ANPEP: variants seen among roughly 807,000 people sequenced by gnomAD.
The protein encoded by ANPEP is alanyl aminopeptidase, membrane.
A neutral mutation model predicts 114.6 loss-of-function variants in ANPEP; 70 were observed. The observed-to-expected ratio is 0.61, with a 90% CI of 0.50 to 0.75. The LOEUF (loss-of-function observed/expected upper bound fraction) is 0.75. Among genes scored for constraint, ANPEP ranks in the 30% least tolerant of loss-of-function variants. The pLI is 0.00. For synonymous variants in ANPEP, 548 were observed against 522.3 expected, an observed-to-expected ratio of 1.05 and a Z score of -0.67; for missense variants, 1,184 against 1,259.5, an observed-to-expected ratio of 0.94 and a Z score of 0.91.
At chr15:89,786,149 T>C (rs1968502629) in intron 20 of ANPEP, among the ~76,000 whole-genome samples, 1 of 152,176 alleles carries the variant, frequency 6.6e-6, no homozygotes, top group Non-Finnish European at 1.5e-5. Context: ...AGAAAACAAT[T>C]CCATTTACGA....
At chr15:89,787,159 C>T (rs1968522754) in intron 20 of ANPEP, among the ~76,000 whole-genome samples, 1 of 150,872 alleles carries the variant, frequency 6.6e-6, no homozygotes, top group East Asian at 2.0e-4. Flanking sequence ...AATTCTCCTG[C>T]CTCAGCCTCC....
intron 15 of ANPEP, among the ~76,000 whole-genome samples, chr15:89,795,968 A>G (rs148581998): frequency 6.1e-4 from 93 of 152,282 alleles, no homozygotes; most frequent in African/African-American, 2.2e-3. Flanking sequence ...TAATCATAAC[A>G]CTTTGGGAGG....
intron 1 of ANPEP, among the ~76,000 whole-genome samples, chr15:89,810,711 C>T (rs1453890407): frequency 1.3e-5 from 2 of 152,258 alleles, no homozygotes; most frequent in African/African-American, 4.8e-5. Flanking sequence ...GAGCCCAATA[C>T]ATGTTGGCCA....
intron 19 of ANPEP, 55 bp downstream of exon 19, chr15:89,790,898 C>A: frequency 1.3e-6 from 2 of 1,595,652 alleles, no homozygotes; most frequent in Admixed American, 1.7e-5. Flanking sequence ...CAGGCCACCC[C>A]CCGGGGCCCC....
chr15:89,803,922 C>G lies in ANPEP; in HGVS notation c.1260G>C (p.Leu420=). 6.2e-7 allele frequency: 1 copy of G among 1,614,186 alleles called. No homozygotes were observed. Among genetic ancestry groups the G allele is most frequent in the South Asian group, 1.1e-5 (1 of 91,090 alleles). ...NEGFASYVEY[L]GADYAEPTWN... is the part of the protein sequence containing the mutation. ...AGGTGGGCTCCGCATAGTCAGCACCCAGGTACTCCACGTAGGAGGCGAAGC... is the reference window on the plus strand; with the variant it reads ...AGGTGGGCTCCGCATAGTCAGCACCGAGGTACTCCACGTAGGAGGCGAAGC... The change falls in exon 7 of 21, where the codon CTG becomes CTC. Residue 420 remains leucine (L), a synonymous_variant. Coordinates refer to ENST00000300060, the MANE Select transcript of ANPEP (RefSeq NM_001150.3). This position sits in a 1 kb window ranked among gnomAD's most constrained non-coding sequence, Gnocchi z 4.2.
Position 89,803,685 on chromosome 15 carries a change from G to A in ANPEP, c.1399C>T (p.Gln467Ter). Residue 467 changes from glutamine to a stop codon, truncating the protein, a stop_gained, in exon 8 of 21, where the codon CAG (glutamine) becomes TAG (stop). Coordinates refer to ENST00000300060, the MANE Select transcript of ANPEP (RefSeq NM_001150.3). LOFTEE classifies it high-confidence loss of function. This position sits in a 1 kb window ranked among gnomAD's most constrained non-coding sequence, Gnocchi z 4.2. ...ATGGCGTCAAACAGCTCACTGATCT[G>A]GGCCGGCGTGTTGATCTCCGAGGCG... ...TPASEINTPAQISELFDAISY... is the reference protein window; with the variant it reads ...TPASEINTPA The A allele has an allele frequency of 6.2e-7, 1 of 1,613,290 alleles. No individual in the cohort carries two copies. Among genetic ancestry groups the A allele is most frequent in the Non-Finnish European group, 8.5e-7 (1 of 1,179,694 alleles).
intron 20 of ANPEP, among the ~76,000 whole-genome samples, chr15:89,786,401 T>TTTTTC (rs1166862222): frequency 6.6e-6 from 1 of 151,232 alleles, no homozygotes; most frequent in African/African-American, 2.4e-5. Context: ...TTTTTTTTTT[T>TTTTTC]TTTGCGGAAA....
At chr15:89,788,663 C>A (rs1297129314) in intron 20 of ANPEP, among the ~76,000 whole-genome samples, 4 of 152,086 alleles carry the variant, frequency 2.6e-5, no homozygotes, top group Non-Finnish European at 5.9e-5. Context: ...TGCGGTGGCA[C>A]CACCTCCGCT....
chr15:89,794,560 C>T (rs904794566), intron 15 of ANPEP, among the ~76,000 whole-genome samples: 8 of 151,994 alleles, frequency 5.3e-5, no homozygotes, highest in African/African-American at 1.9e-4. Context: ...GAGGTAAGGA[C>T]TGCAAACAGG....
rs545081233 is a variant in ANPEP at position 89,803,709 on chromosome 15, C to A, written c.1375G>T (p.Ala459Ser). The A allele has an allele frequency of 6.2e-7, 1 of 1,612,816 alleles. No homozygotes were observed. The highest frequency in any genetic ancestry group is 1.1e-5 in the South Asian group (1 of 90,978). ...LASSHPLSTP[A>S]SEINTPAQIS... The stretch of plus-strand genomic sequence containing the variant: ...TGGGCCGGCGTGTTGATCTCCGAGG[C>A]GGGTGTGGACAGCGGGTGGGAGGAG... The change falls in exon 8 of 21, where the codon GCC becomes TCC. Residue 459 changes from alanine (A) to serine (S), a missense_variant. By Grantham distance (99) the Ala-to-Ser change is moderately conservative. Transcript: ENST00000300060. The surrounding 1 kb of genome is among the most constrained non-coding windows in gnomAD (Gnocchi z 4.2).
chr15:89,797,298 T>A (rs1220489892), intron 15 of ANPEP: 4 of 337,504 alleles, frequency 1.2e-5, no homozygotes, highest in African/African-American at 2.1e-5. Context: ...GTTGCTGAAG[T>A]CTCCGCGACC....
At chr15:89,787,927 T>C (rs1968536834) in intron 20 of ANPEP, among the ~76,000 whole-genome samples, 3 of 152,176 alleles carry the variant, frequency 2.0e-5, no homozygotes, top group Non-Finnish European at 4.4e-5. Context: ...CTGAAAACCA[T>C]AATGATACCA....
Position 89,787,324 on chromosome 15 carries a change from C to T in ANPEP, c.2752-1823G>A, listed in dbSNP as rs182453595. 5.3e-3 allele frequency among the ~76,000 whole-genome samples: 808 copies of T among 152,206 alleles called. 10 individuals are homozygous for T. Among genetic ancestry groups the T allele is most frequent in the Admixed American group, 8.9e-3 (136 of 15,292 alleles). On this transcript the variant is annotated intron_variant, in intron 20 of 20. Coordinates refer to ENST00000300060, the MANE Select transcript of ANPEP (RefSeq NM_001150.3). The stretch of plus-strand genomic sequence containing the variant: ...CCTCCCAAAGTGCTGGGATTACAGG[C>T]GTGAGCCGCCATGCCTGGCCAATAA...
In ANPEP at chr15:89,801,112, T is replaced by C; in HGVS notation, c.1818A>G (p.Arg606=). 3.7e-6 allele frequency: 6 copies of C among 1,614,042 alleles called. No individual in the cohort carries two copies. Among genetic ancestry groups the C allele is most frequent in the Non-Finnish European group, 5.1e-6 (6 of 1,179,940 alleles). ...QQQDYWLIDV[R]AQNDLFSTSG... is the part of the protein sequence containing the mutation. ...GCCCATAAGGCAGGGCTGGATTACC[T>C]CTTACATCTATCAGCCAGTAGTCCT... The change falls in exon 12 of 21, where the codon AGA becomes AGG. Residue 606 remains arginine (R), a splice_region_variant and synonymous_variant. Transcript: ENST00000300060.
intron 14 of ANPEP, among the ~76,000 whole-genome samples, chr15:89,798,247 A>G (rs1453650286): frequency 6.6e-6 from 1 of 152,230 alleles, no homozygotes; most frequent in Non-Finnish European, 1.5e-5. Flanking sequence ...TAGGTGCTCA[A>G]TAAGTACCTG....
chr15:89,799,687 A>T lies in ANPEP; in HGVS notation c.1820-128T>A. ...CCCTCAAGCTGCTGGGGAGACGCTAAGGGTGGGGAAGGAAGGGATGAGGAA... is the reference window on the plus strand; with the variant it reads ...CCCTCAAGCTGCTGGGGAGACGCTATGGGTGGGGAAGGAAGGGATGAGGAA... On this transcript the variant is annotated intron_variant, in intron 12 of 20. Coordinates refer to ENST00000300060, the MANE Select transcript of ANPEP (RefSeq NM_001150.3). The surrounding 1 kb of genome is among the most constrained non-coding windows in gnomAD (Gnocchi z 4.2). 7.3e-7 allele frequency: 1 copy of T among 1,360,760 alleles called. No individual in the cohort carries two copies. Among genetic ancestry groups the T allele is most frequent in the Admixed American group, 2.0e-5 (1 of 50,336 alleles). 84.3% of individuals were successfully genotyped at this position (1,360,760 alleles called of 1,614,324 possible).
intron 15 of ANPEP, among the ~76,000 whole-genome samples, chr15:89,794,475 T>G (rs1490659936): frequency 6.6e-6 from 1 of 151,764 alleles, no homozygotes; most frequent in Non-Finnish European, 1.5e-5. Flanking sequence ...CAGAGTGGGA[T>G]TCTGTCTCAA....
In ANPEP at chr15:89,806,494, T is replaced by C. The variant is rs1309227649; in HGVS notation, c.90A>G (p.Ser30=). 6.2e-7 allele frequency: 1 copy of C among 1,613,992 alleles called. No individual in the cohort carries two copies. The highest frequency in any genetic ancestry group is 8.5e-7 in the Non-Finnish European group (1 of 1,179,922). The change falls in exon 2 of 21, where the codon TCA becomes TCG. Residue 30 remains serine, a synonymous_variant. Transcript: ENST00000300060. This position sits in a 1 kb window ranked among gnomAD's most constrained non-coding sequence, Gnocchi z 5.7. Reference sequence around the variant, plus strand: ...TGTTCTTCTCCTGGGAGTACACCACTGACAGTGCGATGATTGTGCACACGG... The same window carrying C: ...TGTTCTTCTCCTGGGAGTACACCACCGACAGTGCGATGATTGTGCACACGG... ...VAAVCTIIAL[S]VVYSQEKNKN... is the part of the protein sequence containing the mutation.
rs1968485988 is a variant in ANPEP at position 89,785,311 on chromosome 15, A to G, written c.*38T>C. The G allele has an allele frequency of 1.9e-6, 3 of 1,612,374 alleles. No homozygotes were observed. The highest frequency in any genetic ancestry group is 2.5e-6 in the Non-Finnish European group (3 of 1,179,244). On this transcript the variant is annotated 3_prime_UTR_variant, in exon 21 of 21. Coordinates refer to ENST00000300060, the MANE Select transcript of ANPEP (RefSeq NM_001150.3). Reference sequence around the variant, plus strand: ...GCCGCTGGGATGGACACATGTGGGCACCTTGCATGGGGGCCGGGTGACTTC... The same window carrying G: ...GCCGCTGGGATGGACACATGTGGGCGCCTTGCATGGGGGCCGGGTGACTTC...
Sources: gnomAD v4.1 joint callset for allele counts (sites outside exome capture counted in the v4.1 genomes callset) on GRCh38, gnomAD v4.1.1 for gene constraint, Gnocchi (gnomAD v3.1) non-coding constraint, MANE v1.5 for transcripts, NCBI Gene and HGNC (gene_info 2026-07-23, HGNC 2026-07-21) for gene names.